The following PPFIA2 variants were observed in gnomAD, a reference collection of about 807,000 sequenced individuals.
The protein encoded by PPFIA2 is PPFI scaffold protein A2.
Under a neutral mutation model 175.5 loss-of-function variants are expected in PPFIA2, and 46 were observed. The ratio of observed to expected loss-of-function variants is 0.26; its 90% CI spans 0.21 to 0.34. The LOEUF is 0.34. PPFIA2 is among the 10% of genes least tolerant of loss of function. PPFIA2 has a pLI of 1.00. For synonymous variants in PPFIA2, 568 were observed against 511.4 expected (o/e 1.11, Z -1.49); for missense variants, 1,179 against 1,506.1 (o/e 0.78, Z 3.60).
chr12:81,470,002 T>C (rs191071646), intron 4 of PPFIA2, among the ~76,000 whole-genome samples: 281 of 152,296 alleles, frequency 1.8e-3, no homozygotes, highest in African/African-American at 6.4e-3. Flanking sequence ...ATCTCAGGTT[T>C]CCAGCCTCCA....
chr12:81,491,602 C>T (rs749256024), intron 4 of PPFIA2, among the ~76,000 whole-genome samples: 1 of 151,766 alleles, frequency 6.6e-6, no homozygotes, highest in Non-Finnish European at 1.5e-5. Context: ...TGAGATATTG[C>T]GCTCTCTCTC....
rs1250156127 is a variant in PPFIA2, at chr12:81,647,598, A to G, written c.303+29193T>C. 2.6e-5 allele frequency among the ~76,000 whole-genome samples: 4 copies of G among 151,240 alleles called. 1 individual carries two copies. The East Asian group carries it at 7.8e-4, about 30-fold the overall frequency. On this transcript the variant is annotated intron_variant, in intron 4 of 32. Transcript: ENST00000549396. ...AACATGGTGAAACCCTGTCTCTACT[A>G]AAAGTACAAAAAATTAGCCGGGCGT...
At position 81,630,260 on chromosome 12, in the gene PPFIA2, A is replaced by G. The variant is rs7316584; in HGVS notation, c.303+46531T>C. Among the ~76,000 whole-genome samples, 316 of 152,316 alleles carry G rather than the reference A, an allele frequency of 2.1e-3. 1 individual carries two copies. The highest frequency in any genetic ancestry group is 7.3e-3 in the African/African-American group (305 of 41,570). On this transcript the variant is annotated intron_variant, in intron 4 of 32. Coordinates refer to ENST00000549396, the MANE Select transcript of PPFIA2 (RefSeq NM_003625.5). ...TAGTTTTAAACTATAAAATTATAGT[A>G]ATTTGTTGTAGGTGCAAGAGGAAAC... is the stretch of plus-strand genomic sequence containing the variant.
intron 4 of PPFIA2, among the ~76,000 whole-genome samples, chr12:81,637,991 T>C (rs2064338253): frequency 6.6e-6 from 1 of 151,328 alleles, no homozygotes; most frequent in South Asian, 2.1e-4. Context: ...TATCTTTTGC[T>C]CAGTCACAGA....
chr12:81,456,552 G>T (rs2053600933), intron 5 of PPFIA2, among the ~76,000 whole-genome samples: 1 of 152,098 alleles, frequency 6.6e-6, no homozygotes, highest in Non-Finnish European at 1.5e-5. Context: ...AAGTGAATAG[G>T]CCATTAGCTA....
chr12:81,468,443 A>G (rs1347282111), intron 4 of PPFIA2, among the ~76,000 whole-genome samples: 1 of 152,184 alleles, frequency 6.6e-6, no homozygotes, highest in Admixed American at 6.5e-5. Flanking sequence ...GGAAAAGCCA[A>G]TTTTCAACAG....
Position 81,484,368 on chromosome 12 carries a change from G to A in PPFIA2, c.304-26502C>T, listed in dbSNP as rs141238294. Among the ~76,000 whole-genome samples the A allele has an allele frequency of 8.5e-5, 13 of 152,124 alleles. 1 individual carries two copies. The highest frequency in any genetic ancestry group is 3.1e-4 in the African/African-American group (13 of 41,536). On this transcript the variant is annotated intron_variant, in intron 4 of 32. Coordinates refer to ENST00000549396, the MANE Select transcript of PPFIA2 (RefSeq NM_003625.5). ...GTAAATAGTTATATACAATGAGACA[G>A]AGGCTAGTGATGAAGATGTGTGCAA...
rs562282386 is a variant in PPFIA2 at position 81,544,053 on chromosome 12, G to A, written c.304-86187C>T. Reference sequence around the variant, plus strand: ...CCTTAGGAAAGAGCCAAAGAGATACGAATAAAGCTTAGACTTTAGTTAATA... The same window carrying A: ...CCTTAGGAAAGAGCCAAAGAGATACAAATAAAGCTTAGACTTTAGTTAATA... On this transcript the variant is annotated intron_variant, in intron 4 of 32. Transcript: ENST00000549396. 4.5e-4 allele frequency among the ~76,000 whole-genome samples: 69 copies of A among 152,136 alleles called. No homozygotes were observed. In the South Asian group the frequency reaches 5.4e-3, roughly 12 times the overall value.
In PPFIA2 at chr12:81,701,537, G is replaced by A. The variant is rs61933832; in HGVS notation, c.250-24693C>T. On this transcript the variant is annotated intron_variant, in intron 3 of 32. Transcript: ENST00000549396. ...GTCAGGCTACTTGGGCTCAAATCAC[G>A]GCTCTGAAACTTTCTAAATGCATTA... Among the ~76,000 whole-genome samples, 923 of 152,194 alleles carry A rather than the reference G, an allele frequency of 6.1e-3. 7 individuals carry two copies. Among genetic ancestry groups the A allele is most frequent in the Admixed American group, 0.018 (280 of 15,270 alleles).
At chr12:81,277,146 C>T (rs1481977312) in intron 28 of PPFIA2, among the ~76,000 whole-genome samples, 171 bp downstream of exon 28, 1 of 152,094 alleles carries the variant, frequency 6.6e-6, no homozygotes, top group East Asian at 1.9e-4. Context: ...TATGGAGATA[C>T]CTGTTTCTGT....
At chr12:81,520,378 G>T (rs2062973555) in intron 4 of PPFIA2, among the ~76,000 whole-genome samples, 1 of 152,074 alleles carries the variant, frequency 6.6e-6, no homozygotes, top group Admixed American at 6.6e-5. Flanking sequence ...CTTATAAACT[G>T]TTTATTTCTG....
At chr12:81,680,163 A>G (rs1422331648) in intron 3 of PPFIA2, among the ~76,000 whole-genome samples, 1 of 151,936 alleles carries the variant, frequency 6.6e-6, no homozygotes, top group Non-Finnish European at 1.5e-5. Context: ...TCAAAACATC[A>G]TTTTATTTTT....
intron 22 of PPFIA2, among the ~76,000 whole-genome samples, chr12:81,307,919 C>A (rs77284205): frequency 6.6e-6 from 1 of 151,926 alleles, no homozygotes; most frequent in Non-Finnish European, 1.5e-5. Context: ...CTTCACATCA[C>A]CATCATAACA....
intron 4 of PPFIA2, among the ~76,000 whole-genome samples, chr12:81,510,941 T>A (rs1170431025): frequency 2.0e-5 from 3 of 152,024 alleles, no homozygotes; most frequent in Non-Finnish European, 4.4e-5. Flanking sequence ...TTCTAATTAG[T>A]TTTCTTTATA....
chr12:81,259,870 G>T (rs901045927), intron 32 of PPFIA2: 3 of 397,742 alleles, frequency 7.5e-6, no homozygotes, highest in East Asian at 3.6e-5. Flanking sequence ...ACAAATAATA[G>T]AATTTGCTCA....
At chr12:81,581,522 A>G (rs2074400204) in intron 4 of PPFIA2, among the ~76,000 whole-genome samples, 2 of 149,764 alleles carry the variant, frequency 1.3e-5, no homozygotes, top group Admixed American at 1.3e-4. Context: ...ACACTCTAAC[A>G]CTCCCTTCCC....
chr12:81,271,123 G>T (rs1365700835), intron 28 of PPFIA2, among the ~76,000 whole-genome samples: 1 of 152,146 alleles, frequency 6.6e-6, no homozygotes, highest in African/African-American at 2.4e-5. Flanking sequence ...TTAAATTGAA[G>T]TAGTTAGTTC....
At chr12:81,314,235 G>T (rs549728380) in intron 22 of PPFIA2, among the ~76,000 whole-genome samples, 71 of 151,798 alleles carry the variant, frequency 4.7e-4, no homozygotes, top group African/African-American at 1.6e-3. Flanking sequence ...CATATAGGAG[G>T]TAATATATAT....
intron 4 of PPFIA2, among the ~76,000 whole-genome samples, chr12:81,517,107 C>CTTTT (rs34341719): frequency 8.1e-6 from 1 of 123,698 alleles, no homozygotes; most frequent in Non-Finnish European, 1.7e-5. Context: ...CACATTGTAG[C>CTTTT]TTTTTTTTTT....
Sources: gnomAD v4.1 joint callset for allele counts (sites outside exome capture counted in the v4.1 genomes callset) on GRCh38, gnomAD v4.1.1 for gene constraint, MANE v1.5 for transcripts, NCBI Gene and HGNC (gene_info 2026-07-23, HGNC 2026-07-21) for gene names.